Variants in MFN2 observed in about 807,000 individuals in gnomAD.
The protein encoded by MFN2 is mitofusin 2.
A neutral mutation model predicts 87.5 loss-of-function variants in MFN2; 43 were observed. That is an observed-to-expected ratio of 0.49 (90% confidence interval 0.38 to 0.63). The LOEUF (loss-of-function observed/expected upper bound fraction) is 0.63. MFN2 is among the 30% of genes least tolerant of loss of function. The probability of loss-of-function intolerance (pLI) is 0.00; values close to 1 mark genes in which losing one functional copy is unlikely to be tolerated. For missense variants in MFN2, 743 were observed against 972.8 expected, an observed-to-expected ratio of 0.76 and a Z score of 3.14; for synonymous variants, 337 against 359.9, an observed-to-expected ratio of 0.94 and a Z score of 0.72.
chr1:11,998,643 A>G (rs1639035206), intron 6 of MFN2, 127 bp from the exon 7 acceptor site: 1 of 843,700 alleles, frequency 1.2e-6, no homozygotes, highest in Non-Finnish European at 2.1e-6. Flanking sequence ...GCCAGGCCTG[A>G]TTTCTCTCCC....
intron 2 of MFN2, among the ~76,000 whole-genome samples, chr1:11,985,414 C>G (rs1179177766): frequency 6.6e-6 from 1 of 150,384 alleles, no homozygotes; most frequent in African/African-American, 2.5e-5. Context: ...GATTACAAAA[C>G]CTGTCATAGG....
At chr1:11,985,455 C>CTT (rs774330626) in intron 2 of MFN2, among the ~76,000 whole-genome samples, 2,200 of 119,674 alleles carry the variant, frequency 0.018, 219 homozygotes, top group African/African-American at 0.078. Context: ...TCCTTGATCC[C>CTT]TTTTTTTTTT....
chr1:11,981,741 A>G (rs1645988194), intron 1 of MFN2: 1 of 152,274 alleles, frequency 6.6e-6, no homozygotes, highest in African/African-American at 2.4e-5. Context: ...TGGTGCCTCA[A>G]ACCCGCACAT....
Position 12,007,133 on chromosome 1 carries a change from C to T in MFN2, c.1953C>T (p.Thr651=). 1.9e-6 allele frequency: 3 copies of T among 1,614,220 alleles called. No homozygotes were observed. The highest frequency in any genetic ancestry group is 2.5e-6 in the Non-Finnish European group (3 of 1,180,046). Residue 651 remains threonine (T), a synonymous_variant, in exon 17 of 19, where the codon ACC becomes ACT. Transcript: ENST00000235329. ...YGLLYVYERL[T]WTTKAKERAF... ...TCCTCTACGTCTATGAGCGTCTGAC[C>T]TGGACCACCAAGGCCAAGGAGAGGG... is the stretch of plus-strand genomic sequence containing the variant.
At chr1:12,006,776 T>A (rs1639439153) in intron 16 of MFN2, 83 bp downstream of exon 16, 3 of 1,555,648 alleles carry the variant, frequency 1.9e-6, no homozygotes, top group Non-Finnish European at 2.7e-6. Context: ...CTGTGGCCCC[T>A]GCATTGGGCC....
In MFN2 at chr1:12,005,722, C is replaced by T; in HGVS notation, c.1507C>T (p.Pro503Ser). The change falls in exon 15 of 19, where the codon CCC becomes TCC. Residue 503 changes from proline (P) to serine (S), a missense_variant. Physicochemically the swap from Pro to Ser is moderately conservative, Grantham distance 74. Around this residue, in one of 3 missense-constraint regions of MFN2, gnomAD observed 571 missense variants for 670.7 expected, o/e 0.85. Transcript: ENST00000235329. ...MQQDMIDGLKPLLPVSVRSQI... is the reference protein window; with the variant it reads ...MQQDMIDGLKSLLPVSVRSQI... ...TCTCTTCCTGACAGATGGCTTGAAA[C>T]CCCTCCTTCCTGTGTCTGTGCGGAG... is the stretch of plus-strand genomic sequence containing the variant. 1 of 1,614,202 alleles carries T rather than the reference C, an allele frequency of 6.2e-7. No individual in the cohort carries two copies. Among genetic ancestry groups the T allele is most frequent in the Non-Finnish European group, 8.5e-7 (1 of 1,180,018 alleles).
At position 11,989,357 on chromosome 1, in the gene MFN2, G is replaced by A. The variant is rs202139103; in HGVS notation, c.175+14G>A. ...CCTTCCTTGAAGGTAAGGGGGCACC[G>A]GCTCAGCCAGGCCCGCTCTTACCTG... On this transcript the variant is annotated intron_variant, in intron 3 of 18. Transcript: ENST00000235329. 78 of 1,613,356 alleles carry A rather than the reference G, an allele frequency of 4.8e-5. No individual in the cohort carries two copies. The East Asian group carries it at 8.9e-4, about 18-fold the overall frequency.
At chr1:11,999,135 G>A (rs752819981) in intron 8 of MFN2, 40 bp downstream of exon 8, 17 of 1,552,362 alleles carry the variant, frequency 1.1e-5, no homozygotes, top group South Asian at 3.3e-5. Flanking sequence ...ATGCAACCCC[G>A]AGGGAGCACT....
chr1:11,986,693 C>T (rs184375788), intron 2 of MFN2, among the ~76,000 whole-genome samples: 2 of 151,334 alleles, frequency 1.3e-5, no homozygotes, highest in African/African-American at 4.9e-5. Context: ...CAGGTTCAAG[C>T]AATTCTCGTG....
At position 12,003,890 on chromosome 1, in the gene MFN2, G is replaced by T. The variant is rs1390179919; in HGVS notation, c.1161-102G>T. 6.7e-7 allele frequency: 1 copy of T among 1,496,894 alleles called. No individual in the cohort carries two copies. The highest frequency in any genetic ancestry group is 1.4e-5 in the African/African-American group (1 of 72,546). 92.7% of individuals were successfully genotyped at this position (1,496,894 alleles called of 1,614,324 possible). ...GGGTGCGTGTGTGCAGCCCTGCCAG[G>T]CAAGATAGCGGGCAGGGCGGCGTGG... is the stretch of plus-strand genomic sequence containing the variant. On this transcript the variant is annotated intron_variant, in intron 11 of 18. Transcript: ENST00000235329. The surrounding 1 kb of genome is among the most constrained non-coding windows in gnomAD (Gnocchi z 4.1).
intron 3 of MFN2, 25 bp downstream of exon 3, chr1:11,989,368 G>A (rs1470801173): frequency 3.7e-6 from 6 of 1,612,528 alleles, no homozygotes; most frequent in South Asian, 1.1e-5. Context: ...GCTCAGCCAG[G>A]CCCGCTCTTA....
chr1:12,002,323 G>A (rs926445386), intron 11 of MFN2, among the ~76,000 whole-genome samples: 6 of 152,248 alleles, frequency 3.9e-5, no homozygotes, highest in Non-Finnish European at 2.9e-5. Context: ...TGTGCAGCAC[G>A]ATTCCCTGTG....
At position 12,003,826 on chromosome 1, in the gene MFN2, G is replaced by T. The variant is rs1204563712; in HGVS notation, c.1161-166G>T. ...CTGAAGAGTGCATGGTTGGCTGCAG[G>T]GTCCTCTTCTTACCTGGGAAGGGGA... On this transcript the variant is annotated intron_variant, in intron 11 of 18. Transcript: ENST00000235329. The surrounding 1 kb of genome is among the most constrained non-coding windows in gnomAD (Gnocchi z 4.1). Among the ~76,000 whole-genome samples the T allele has an allele frequency of 6.6e-6, 1 of 152,190 alleles. No individual in the cohort carries two copies. Among genetic ancestry groups the T allele is most frequent in the Non-Finnish European group, 1.5e-5 (1 of 68,034 alleles).
intron 3 of MFN2, among the ~76,000 whole-genome samples, chr1:11,989,920 G>C (rs901151212): frequency 3.3e-5 from 5 of 152,194 alleles, no homozygotes; most frequent in African/African-American, 1.2e-4. Flanking sequence ...CCAGGGCCCC[G>C]CTCGTCTGAG....
rs898535195 is a variant in MFN2, at chr1:12,004,299, C to T, written c.1287+181C>T. ...GGGTTGTGTGATGCTGGGCATGTTC[C>T]CTTTCCTCTGGACCTCCACAGATCA... is the stretch of plus-strand genomic sequence containing the variant. On this transcript the variant is annotated intron_variant, in intron 12 of 18. Transcript: ENST00000235329. The surrounding 1 kb of genome is among the most constrained non-coding windows in gnomAD (Gnocchi z 4.2). Among the ~76,000 whole-genome samples the T allele has an allele frequency of 7.2e-5, 11 of 152,172 alleles. No individual in the cohort carries two copies. Among genetic ancestry groups the T allele is most frequent in the African/African-American group, 2.7e-4 (11 of 41,442 alleles).
Position 11,989,340 on chromosome 1 carries a change from G to A in MFN2, c.172G>A (p.Glu58Lys). The A allele has an allele frequency of 6.2e-7, 1 of 1,613,902 alleles. No homozygotes were observed. Among genetic ancestry groups the A allele is most frequent in the Non-Finnish European group, 8.5e-7 (1 of 1,180,004 alleles). Residue 58 changes from glutamate to lysine, a missense_variant, in exon 3 of 19, where the codon GAA (glutamate) becomes AAA (lysine). By Grantham distance (56) the Glu-to-Lys change is moderately conservative (BLOSUM62 1). Around this residue, in one of 3 missense-constraint regions of MFN2, gnomAD observed 141 missense variants for 278.9 expected, o/e 0.51. Coordinates refer to ENST00000235329, the MANE Select transcript of MFN2 (RefSeq NM_014874.4). The stretch of plus-strand genomic sequence containing the variant: ...CATCCAGGAGAGCGCCACCTTCCTT[G>A]AAGGTAAGGGGGCACCGGCTCAGCC... ...AYIQESATFL[E>K]DTYRNAELDP... is the part of the protein sequence containing the mutation.
rs376925978 is a variant in MFN2, at chr1:12,005,924, A to G, written c.1709A>G (p.Asn570Ser). Reference protein sequence around the residue: ...KNSRRALMGYNDQVQRPIPLT... With the variant: ...KNSRRALMGYSDQVQRPIPLT... ...AGCCGTCGGGCCTTGATGGGCTACA[A>G]TGACCAGGCAAGCAAAGTTCCTCAC... is the stretch of plus-strand genomic sequence containing the variant. The change falls in exon 15 of 19, where the codon AAT becomes AGT. Residue 570 changes from asparagine (N) to serine (S), a missense_variant. Around this residue, in one of 3 missense-constraint regions of MFN2, gnomAD observed 571 missense variants for 670.7 expected, o/e 0.85. Transcript: ENST00000235329. 1.9e-5 allele frequency: 31 copies of G among 1,613,252 alleles called. No homozygotes were observed. The highest frequency in any genetic ancestry group is 2.4e-5 in the Non-Finnish European group (28 of 1,180,012).
intron 4 of MFN2, among the ~76,000 whole-genome samples, chr1:11,993,471 C>G (rs1397493685): frequency 6.6e-6 from 1 of 152,150 alleles, no homozygotes; most frequent in African/African-American, 2.4e-5. Context: ...CATGGTGGCT[C>G]ACACCTGTAA....
Position 11,989,224 on chromosome 1 carries a change from G to T in MFN2, c.56G>T (p.Arg19Ile). The change falls in exon 3 of 19, where the codon AGA becomes ATA. Residue 19 changes from arginine (R) to isoleucine (I), a missense_variant. Arg to Ile is a moderately conservative substitution (Grantham distance 97). Coordinates refer to ENST00000235329, the MANE Select transcript of MFN2 (RefSeq NM_014874.4). ...ATCGTCACAGTCAAGAAAAATAAGA[G>T]ACACATGGCTGAGGTGAATGCATCC... ...NSIVTVKKNK[R>I]HMAEVNASPL... 4.3e-6 allele frequency: 7 copies of T among 1,614,058 alleles called. No homozygotes were observed. The highest frequency in any genetic ancestry group is 5.9e-6 in the Non-Finnish European group (7 of 1,180,022).
Sources: gnomAD v4.1 joint callset for allele counts (sites outside exome capture counted in the v4.1 genomes callset) on GRCh38, gnomAD v4.1.1 for gene constraint, gnomAD v4.1.1 regional missense constraint, Gnocchi (gnomAD v3.1) non-coding constraint, MANE v1.5 for transcripts, NCBI Gene and HGNC (gene_info 2026-07-23, HGNC 2026-07-21) for gene names.